ASTN1: variants seen among roughly 807,000 people sequenced by gnomAD.
ASTN1 encodes the protein astrotactin-1.
Under a neutral mutation model 140.7 loss-of-function variants are expected in ASTN1, and 41 were observed. The ratio of observed to expected loss-of-function variants is 0.29; its 90% CI spans 0.23 to 0.38. The LOEUF (loss-of-function observed/expected upper bound fraction) is 0.38. Ranked by LOEUF, ASTN1 falls within the 10% of genes least tolerant of loss-of-function variation. The probability of loss-of-function intolerance (pLI) is 1.00; values close to 1 mark genes in which losing one functional copy is unlikely to be tolerated. For synonymous variants in ASTN1, 640 were observed against 652.2 expected (o/e 0.98, Z 0.29); for missense variants, 1,479 against 1,678.8 (o/e 0.88, Z 2.08).
chr1:176,882,926 C>T lies in ASTN1; in HGVS notation c.3295G>A (p.Val1099Met). The stretch of plus-strand genomic sequence containing the variant: ...ATGGTGGTGAGCTGCTTGTCCGGCA[C>T]CTGAGATGGCATTGCACAAGGAGAC... ...AKSPCAMPSQ[V>M]PDKQLTTISL... The change falls in exon 20 of 23, where the codon GTG becomes ATG. Residue 1099 changes from valine (V) to methionine (M), a missense_variant. Coordinates refer to ENST00000361833, the MANE Select transcript of ASTN1 (RefSeq NM_004319.3). 6.2e-7 allele frequency: 1 copy of T among 1,614,058 alleles called. No homozygotes were observed. Among genetic ancestry groups the T allele is most frequent in the South Asian group, 1.1e-5 (1 of 91,074 alleles).
At chr1:177,080,269 A>G (rs2102073945) in intron 1 of ASTN1, among the ~76,000 whole-genome samples, 1 of 151,482 alleles carries the variant, frequency 6.6e-6, no homozygotes, top group East Asian at 1.9e-4. Context: ...CAAAAAAAAA[A>G]AAAAAAAAAA....
intron 1 of ASTN1, among the ~76,000 whole-genome samples, chr1:177,156,993 A>C (rs1166522772): frequency 6.6e-6 from 1 of 152,226 alleles, no homozygotes; most frequent in Admixed American, 6.5e-5. Flanking sequence ...AAGTCATCAA[A>C]ACCAAAACAA....
intron 9 of ASTN1, among the ~76,000 whole-genome samples, chr1:176,961,121 G>A (rs747264883): frequency 2.6e-5 from 4 of 152,134 alleles, no homozygotes; most frequent in South Asian, 2.1e-4. Flanking sequence ...TTTATTGACC[G>A]ATAAATAACG....
intron 1 of ASTN1, among the ~76,000 whole-genome samples, chr1:177,122,035 G>C (rs1300913456): frequency 1.3e-5 from 2 of 152,196 alleles, no homozygotes; most frequent in Non-Finnish European, 2.9e-5. Context: ...AATGCTGAGA[G>C]AAGGAAGTGC....
chr1:176,873,262 T>C (rs2103016648), intron 21 of ASTN1, among the ~76,000 whole-genome samples: 1 of 152,180 alleles, frequency 6.6e-6, no homozygotes, highest in Admixed American at 6.5e-5. Flanking sequence ...GGATGAAGCT[T>C]CATGAAGAAC....
At chr1:176,968,037 T>C (rs1672960424) in intron 8 of ASTN1, among the ~76,000 whole-genome samples, 1 of 152,176 alleles carries the variant, frequency 6.6e-6, no homozygotes, top group South Asian at 2.1e-4. Flanking sequence ...GGACATGGAT[T>C]CTGGAGTTAG....
intron 2 of ASTN1, among the ~76,000 whole-genome samples, chr1:177,049,668 C>T (rs1677435449): frequency 3.3e-5 from 5 of 152,310 alleles, no homozygotes; most frequent in Admixed American, 3.3e-4. Flanking sequence ...GGCTGCTTGC[C>T]TCATCAGCAA....
At chr1:176,983,332 G>A (rs1369301733) in intron 8 of ASTN1, among the ~76,000 whole-genome samples, 4 of 152,034 alleles carry the variant, frequency 2.6e-5, no homozygotes, top group Non-Finnish European at 4.4e-5. Flanking sequence ...TCCCTGCCTC[G>A]CAGCCACAGC....
chr1:177,144,840 G>T (rs1342195141), intron 1 of ASTN1, among the ~76,000 whole-genome samples: 1 of 152,096 alleles, frequency 6.6e-6, no homozygotes, highest in Non-Finnish European at 1.5e-5. Context: ...TTCACTCCCT[G>T]CCTTCGGGGT....
At chr1:177,134,390 C>G (rs1682080788) in intron 1 of ASTN1, among the ~76,000 whole-genome samples, 2 of 152,168 alleles carry the variant, frequency 1.3e-5, no homozygotes, top group Non-Finnish European at 1.5e-5. Context: ...GATCTTCCAC[C>G]CCTGGAGTCC....
intron 8 of ASTN1, among the ~76,000 whole-genome samples, chr1:176,992,685 G>T (rs1391985770): frequency 6.6e-6 from 1 of 152,156 alleles, no homozygotes; most frequent in African/African-American, 2.4e-5. Flanking sequence ...ACTTGGTGGA[G>T]AATACAGGAG....
intron 1 of ASTN1, among the ~76,000 whole-genome samples, chr1:177,126,971 A>G (rs979324564): frequency 1.3e-5 from 2 of 152,130 alleles, no homozygotes; most frequent in African/African-American, 4.8e-5. Context: ...CAAGATGTAT[A>G]TGGAAAAAGA....
At chr1:177,159,444 T>C (rs1647228002) in intron 1 of ASTN1, among the ~76,000 whole-genome samples, 1 of 152,144 alleles carries the variant, frequency 6.6e-6, no homozygotes, top group Non-Finnish European at 1.5e-5. Flanking sequence ...TTTTAAAGTT[T>C]CCCCTCAAAT....
chr1:177,005,616 T>TTA (rs949683293), intron 8 of ASTN1, among the ~76,000 whole-genome samples: 1 of 152,142 alleles, frequency 6.6e-6, no homozygotes, highest in African/African-American at 2.4e-5. Context: ...AAAATGTTTT[T>TTA]TATATATATA....
At chr1:177,139,415 G>T (rs147697788) in intron 1 of ASTN1, among the ~76,000 whole-genome samples, 1,530 of 152,284 alleles carry the variant, frequency 0.01, 17 homozygotes, top group Middle Eastern at 0.031. Context: ...GGCAACGAAG[G>T]AGAAAAGAGC....
At chr1:177,142,846 G>C (rs545328169) in intron 1 of ASTN1, among the ~76,000 whole-genome samples, 1 of 149,986 alleles carries the variant, frequency 6.7e-6, no homozygotes, top group South Asian at 2.1e-4. Flanking sequence ...ATGAGAACAT[G>C]CATGGGAAAT....
rs184864416 is a variant in ASTN1, at chr1:177,049,740, A to C, written c.471+11338T>G. Among the ~76,000 whole-genome samples the C allele has an allele frequency of 1.8e-3, 275 of 152,330 alleles. 1 individual carries two copies. The highest frequency in any genetic ancestry group is 6.2e-3 in the African/African-American group (258 of 41,576). On this transcript the variant is annotated intron_variant, in intron 2 of 22. Coordinates refer to ENST00000361833, the MANE Select transcript of ASTN1 (RefSeq NM_004319.3). ...AGTCTGTGTGACGATAGCTGGGCCC[A>C]CGTCACTCTGCTTTGAAAGCTACAA...
chr1:177,070,236 C>G (rs6697602), intron 1 of ASTN1, among the ~76,000 whole-genome samples: 20,193 of 152,154 alleles, frequency 0.13, 1,734 homozygotes, highest in African/African-American at 0.24. Context: ...AAAGTCAAAA[C>G]ACTGGTCACA....
intron 16 of ASTN1, among the ~76,000 whole-genome samples, chr1:176,896,156 T>C (rs2103040655): frequency 6.6e-6 from 1 of 152,246 alleles, no homozygotes; most frequent in African/African-American, 2.4e-5. Flanking sequence ...TTTAGAAACA[T>C]CACGAGGCAT....
Sources: gnomAD v4.1 joint callset for allele counts (sites outside exome capture counted in the v4.1 genomes callset) on GRCh38, gnomAD v4.1.1 for gene constraint, MANE v1.5 for transcripts, NCBI Gene and HGNC (gene_info 2026-07-23, HGNC 2026-07-21) for gene names.